Variants in ASAP3 observed in about 807,000 individuals in gnomAD.
ASAP3 encodes the protein arf-GAP with SH3 domain, ANK repeat and PH domain-containing protein 3.
Under a neutral mutation model 118.2 loss-of-function variants are expected in ASAP3, and 85 were observed. The ratio of observed to expected loss-of-function variants is 0.72; its 90% CI spans 0.60 to 0.86. ASAP3 has a LOEUF of 0.86. Ranked by LOEUF, ASAP3 falls within the 40% of genes least tolerant of loss-of-function variation. ASAP3 has a pLI of 0.00. For synonymous variants in ASAP3, 432 were observed against 477.4 expected (o/e 0.90, Z 1.24); for missense variants, 1,026 against 1,175.0 (o/e 0.87, Z 1.85).
chr1:23,435,661 A>T, intron 17 of ASAP3, 190 bp downstream of exon 17: 1 of 685,336 alleles, frequency 1.5e-6, no homozygotes, highest in Non-Finnish European at 2.6e-6. Context: ...CAGCTAGGAA[A>T]AAACAGAGCC....
intron 19 of ASAP3, 31 bp downstream of exon 19, chr1:23,434,223 G>C: frequency 6.2e-7 from 1 of 1,602,852 alleles, no homozygotes; most frequent in Non-Finnish European, 8.5e-7. Context: ...TCAGGAATAG[G>C]AGTCTGACGG....
upstream of ASAP3, chr1:23,484,350 C>A (rs1642441753): frequency 4.9e-6 from 2 of 404,856 alleles, no homozygotes; most frequent in Non-Finnish European, 3.8e-6. Flanking sequence ...AAGGTCCAGG[C>A]TCCGGCCCCG....
In ASAP3 at chr1:23,463,424, G is replaced by A. The variant is rs772361867; in HGVS notation, c.130-7230C>T. Among the ~76,000 whole-genome samples, 101 of 151,842 alleles carry A rather than the reference G, an allele frequency of 6.7e-4. 2 individuals carry two copies. The highest frequency in any genetic ancestry group is 2.1e-3 in the African/African-American group (88 of 41,386). On this transcript the variant is annotated intron_variant, in intron 1 of 24. Coordinates refer to ENST00000336689, the MANE Select transcript of ASAP3 (RefSeq NM_017707.4). ...TAAAAAAATTTAGTTTTAAGGAGAC[G>A]ATTCTGATAGTAGCCTGGGGAAAGG... is the stretch of plus-strand genomic sequence containing the variant.
At chr1:23,447,392 T>C (rs1339006630) in intron 5 of ASAP3, among the ~76,000 whole-genome samples, 5 of 152,194 alleles carry the variant, frequency 3.3e-5, no homozygotes, top group Non-Finnish European at 5.9e-5. Context: ...ATTTTTATCA[T>C]AGGTACGTAT....
In ASAP3 at chr1:23,437,136, C is replaced by A; in HGVS notation, c.1336G>T (p.Ala446Ser). 1 of 1,604,006 alleles carries A rather than the reference C, an allele frequency of 6.2e-7. No homozygotes were observed. Among genetic ancestry groups the A allele is most frequent in the Non-Finnish European group, 8.5e-7 (1 of 1,174,952 alleles). ...PGNSQCCDCG[A>S]ADPTWLSTNL... ...CCCGGCCCCGGGGACCGACCTGCAG[C>A]CCCGCAGTCGCAGCACTGGCTATTC... Residue 446 changes from alanine to serine, a missense_variant, in exon 14 of 25, where the codon GCT becomes TCT. Physicochemically the swap from Ala to Ser is moderately conservative, Grantham distance 99. Transcript: ENST00000336689. The surrounding 1 kb of genome is among the most constrained non-coding windows in gnomAD (Gnocchi z 6.1).
intron 1 of ASAP3, among the ~76,000 whole-genome samples, chr1:23,478,826 A>G (rs377029662): frequency 6.6e-6 from 1 of 152,202 alleles, no homozygotes; most frequent in Non-Finnish European, 1.5e-5. Context: ...GGGTTCTTCT[A>G]TACCTGAGAG....
At chr1:23,474,112 T>A in intron 1 of ASAP3, among the ~76,000 whole-genome samples, 1 of 149,834 alleles carries the variant, frequency 6.7e-6, no homozygotes, top group East Asian at 2.0e-4. Flanking sequence ...GGATTACAGG[T>A]GCCTGCCACC....
intron 1 of ASAP3, among the ~76,000 whole-genome samples, chr1:23,472,669 C>G (rs1330244200): frequency 6.6e-6 from 1 of 152,160 alleles, no homozygotes; most frequent in East Asian, 1.9e-4. Flanking sequence ...ATTACCTCAT[C>G]CCTATTGCAA....
At chr1:23,481,391 A>C (rs532486131) in intron 1 of ASAP3, among the ~76,000 whole-genome samples, 73 of 152,386 alleles carry the variant, frequency 4.8e-4, no homozygotes, top group African/African-American at 1.7e-3. Flanking sequence ...AGTCAAGCCC[A>C]GAACTGGGGG....
chr1:23,433,001 C>G, intron 22 of ASAP3, 76 bp downstream of exon 22: 1 of 1,559,858 alleles, frequency 6.4e-7, no homozygotes, highest in East Asian at 2.2e-5. Flanking sequence ...AACATATGCA[C>G]TCAGCTCAGT....
At chr1:23,451,577 G>T in intron 4 of ASAP3, 49 bp from the exon 5 acceptor site, 1 of 1,583,692 alleles carries the variant, frequency 6.3e-7, no homozygotes, top group South Asian at 1.1e-5. Context: ...TGGAGCACTG[G>T]AATAAACAGT....
Position 23,431,137 on chromosome 1 carries a change from G to C in ASAP3, c.2547-12C>G, listed in dbSNP as rs752696813. 2 of 1,573,266 alleles carry C rather than the reference G, an allele frequency of 1.3e-6. No individual in the cohort carries two copies. Among genetic ancestry groups the C allele is most frequent in the Admixed American group, 1.9e-5 (1 of 53,426 alleles). On this transcript the variant is annotated splice_polypyrimidine_tract_variant and intron_variant, in intron 23 of 24. Coordinates refer to ENST00000336689, the MANE Select transcript of ASAP3 (RefSeq NM_017707.4). ...GAGTGCTCTCGGAGCTGGAAGGCAG[G>C]GAAAGGCCAACATGACCCTCATGTC...
At position 23,436,695 on chromosome 1, in the gene ASAP3, G is replaced by T. The variant is rs770598829; in HGVS notation, c.1477-41C>A. The T allele has an allele frequency of 1.9e-6, 3 of 1,610,916 alleles. No homozygotes were observed. The highest frequency in any genetic ancestry group is 1.1e-5 in the South Asian group (1 of 90,988). On this transcript the variant is annotated intron_variant, in intron 15 of 24. Coordinates refer to ENST00000336689, the MANE Select transcript of ASAP3 (RefSeq NM_017707.4). This position sits in a 1 kb window ranked among gnomAD's most constrained non-coding sequence, Gnocchi z 4.2. ...AATAGACGTGGGGCGGAGTAAGACC[G>T]GGCGGTTAAGCCTGCATAGGGTGGA...
intron 1 of ASAP3, among the ~76,000 whole-genome samples, chr1:23,473,974 C>CTT (rs10664798): frequency 0.64 from 45,744 of 71,938 alleles, 16,420 homozygotes; most frequent in Non-Finnish European, 0.73. Context: ...TAAATCTGCT[C>CTT]TTTTTTTTTT....
intron 17 of ASAP3, chr1:23,435,580 TG>T: frequency 3.8e-6 from 2 of 531,178 alleles, no homozygotes; most frequent in South Asian, 4.3e-5. Flanking sequence ...TTCATCACCG[TG>T]GGTGCTATTA....
chr1:23,476,642 C>T (rs1199305606), intron 1 of ASAP3, among the ~76,000 whole-genome samples: 1 of 152,184 alleles, frequency 6.6e-6, no homozygotes, highest in Non-Finnish European at 1.5e-5. Context: ...CTAAATAAAA[C>T]TTAAACTCAC....
intron 5 of ASAP3, among the ~76,000 whole-genome samples, chr1:23,442,960 C>A (rs1333236013): frequency 2.0e-5 from 3 of 152,156 alleles, no homozygotes; most frequent in Admixed American, 6.5e-5. Flanking sequence ...GGCCCCAAGG[C>A]AGGAGCGAGT....
At chr1:23,441,872 A>G in intron 7 of ASAP3, 142 bp from the exon 8 acceptor site, 1 of 852,346 alleles carries the variant, frequency 1.2e-6, no homozygotes, top group Non-Finnish European at 1.9e-6. Flanking sequence ...GACACTCCAT[A>G]GACAAGAGTC....
chr1:23,447,634 T>A (rs1641090833), intron 5 of ASAP3, among the ~76,000 whole-genome samples: 1 of 152,150 alleles, frequency 6.6e-6, no homozygotes, highest in African/African-American at 2.4e-5. Flanking sequence ...CAATGAATGG[T>A]AGGATTATGA....
Sources: gnomAD v4.1 joint callset for allele counts (sites outside exome capture counted in the v4.1 genomes callset) on GRCh38, gnomAD v4.1.1 for gene constraint, Gnocchi (gnomAD v3.1) non-coding constraint, MANE v1.5 for transcripts, NCBI Gene and HGNC (gene_info 2026-07-23, HGNC 2026-07-21) for gene names.